The following OTC variants were observed in gnomAD, a reference collection of about 807,000 sequenced individuals.
OTC encodes the protein ornithine transcarbamylase, mitochondrial.
OTC carries 3 observed loss-of-function variants against 30.3 expected under a neutral mutation model. The observed-to-expected ratio is 0.10, with a 90% CI of 0.05 to 0.26. The LOEUF (loss-of-function observed/expected upper bound fraction) is 0.26, where lower values mean the gene tolerates loss of function less well. Among genes scored for constraint, OTC ranks in the 10% least tolerant of loss-of-function variants. The probability of loss-of-function intolerance (pLI) is 1.00; values close to 1 mark genes in which losing one functional copy is unlikely to be tolerated. For synonymous variants in OTC, 111 were observed against 99.7 expected, an observed-to-expected ratio of 1.11 and a Z score of -0.67; for missense variants, 194 against 260.3, an observed-to-expected ratio of 0.75 and a Z score of 1.75.
rs193177264 is a variant in OTC, at chrX:38,372,567, C to A, written c.298+2690C>A. On this transcript the variant is annotated intron_variant, in intron 3 of 9. Transcript: ENST00000039007. ...AAATCCTTAGAAACCTGCCCCAAAT[C>A]GTAAATAATAACAACAAATAAATGA... Among the ~76,000 whole-genome samples the A allele has an allele frequency of 4.9e-3, 548 of 112,154 alleles. 5 individuals carry two copies. Among genetic ancestry groups the A allele is most frequent in the African/African-American group, 0.017 (523 of 30,856 alleles).
Position 38,394,453 on chromosome X carries a change from A to T in OTC, c.387-6822A>T, listed in dbSNP as rs1343441861. Among the ~76,000 whole-genome samples, 4 of 112,174 alleles carry T rather than the reference A, an allele frequency of 3.6e-5. No homozygotes were observed. In the East Asian group the frequency reaches 1.1e-3, roughly 31 times the overall value. On this transcript the variant is annotated intron_variant, in intron 4 of 9. Coordinates refer to ENST00000039007, the MANE Select transcript of OTC (RefSeq NM_000531.6). The stretch of plus-strand genomic sequence containing the variant: ...GTCTGTCTTATATAACTTTCTATAG[A>T]TGATGGAAACTTGCCCTTCAATTTA...
chrX:38,391,695 C>T (rs2068429382), intron 4 of OTC, among the ~76,000 whole-genome samples: 1 of 111,013 alleles, frequency 9.0e-6, no homozygotes, highest in Non-Finnish European at 1.9e-5. Context: ...GTCATTTTGA[C>T]CTAACTCCAT....
At chrX:38,411,830 G>A (rs1219422156) in intron 8 of OTC, 32 bp from the exon 9 acceptor site, 2 of 1,201,268 alleles carry the variant, frequency 1.7e-6, no homozygotes, top group Non-Finnish European at 2.3e-6. Flanking sequence ...ACATATAATA[G>A]TCAAAAAGTG....
chrX:38,349,086 G>T (rs996362112), upstream of OTC, among the ~76,000 whole-genome samples: 2 of 111,734 alleles, frequency 1.8e-5, no homozygotes, highest in African/African-American at 3.3e-5. Flanking sequence ...TGAGAAGGTA[G>T]ATCTGGGCAA....
intron 4 of OTC, among the ~76,000 whole-genome samples, chrX:38,400,192 C>T (rs1329660657): frequency 9.0e-6 from 1 of 111,032 alleles, no homozygotes; most frequent in Non-Finnish European, 1.9e-5. Context: ...ATGTTGATCT[C>T]CACATATTTT....
At chrX:38,388,407 A>C (rs539732281) in intron 4 of OTC, among the ~76,000 whole-genome samples, 12 of 110,644 alleles carry the variant, frequency 1.1e-4, no homozygotes, top group African/African-American at 3.9e-4. Context: ...GTCATTTACC[A>C]GGTGCTCTAC....
At chrX:38,349,836 G>A (rs1362695755), upstream of OTC, among the ~76,000 whole-genome samples, 3 of 111,757 alleles carry the variant, frequency 2.7e-5, no homozygotes, top group Non-Finnish European at 3.8e-5. Flanking sequence ...ACAAGACACA[G>A]ATACTCGTAG....
rs181031252 is a variant in OTC at position 38,379,371 on chromosome X, T to C, written c.299-1971T>C. On this transcript the variant is annotated intron_variant, in intron 3 of 9. Coordinates refer to ENST00000039007, the MANE Select transcript of OTC (RefSeq NM_000531.6). ...GACTCTGACTCTCAGAACCCTTTTC[T>C]ATAAAATTCTTGTAATATCTACTGT... Among the ~76,000 whole-genome samples, 538 of 111,458 alleles carry C rather than the reference T, an allele frequency of 4.8e-3. 5 individuals are homozygous for C. The highest frequency in any genetic ancestry group is 0.017 in the African/African-American group (513 of 30,646).
intron 3 of OTC, among the ~76,000 whole-genome samples, chrX:38,377,370 A>C (rs1471691558): frequency 3.6e-5 from 4 of 111,565 alleles, no homozygotes; most frequent in Non-Finnish European, 7.5e-5. Context: ...AAATAGAAAA[A>C]CTTCAAATAA....
the OTC span, among the ~76,000 whole-genome samples, chrX:38,332,504 T>TTTTATATATATATATATA: frequency 1.3e-4 from 5 of 39,357 alleles, no homozygotes; most frequent in Non-Finnish European, 2.4e-4. Context: ...GCCCTAGATT[T>TTTTATATATATATATATA]TATATATATA....
Position 38,361,980 on chromosome X carries a change from T to TA in OTC, c.78-5301dup, listed in dbSNP as rs763166260. 1.4e-3 allele frequency among the ~76,000 whole-genome samples: 146 copies of TA among 106,408 alleles called. 1 individual carries two copies. In the East Asian group the frequency reaches 0.015, roughly 11 times the overall value. The allele number at this position is 106,408 out of a possible 115,157, so 92.4% of individuals were successfully genotyped here. A position where few individuals can be genotyped will look rare whatever the true frequency, so the allele number is the denominator to read the frequency against. ...ATGCAAATTAAAAACTGCCTGTGTTTAAAAAAAAAACAGTTTTGGAGGACA... is the reference window on the plus strand; with the variant it reads ...ATGCAAATTAAAAACTGCCTGTGTTTAAAAAAAAAAACAGTTTTGGAGGACA... On this transcript the variant is annotated intron_variant, in intron 1 of 9. Coordinates refer to ENST00000039007, the MANE Select transcript of OTC (RefSeq NM_000531.6).
chrX:38,359,609 C>T (rs1416098781), intron 1 of OTC, among the ~76,000 whole-genome samples: 2 of 109,869 alleles, frequency 1.8e-5, no homozygotes, highest in Non-Finnish European at 3.8e-5. Context: ...TTAGTAGAGA[C>T]GGGGTTTCAT....
At chrX:38,402,526 C>T (rs935379484) in intron 5 of OTC, among the ~76,000 whole-genome samples, 34 of 112,035 alleles carry the variant, frequency 3.0e-4, no homozygotes, top group Admixed American at 2.9e-3. Flanking sequence ...TAGCCTTTCT[C>T]TTTTTTAATC....
chrX:38,332,175 C>T, the OTC span, among the ~76,000 whole-genome samples: 3 of 109,198 alleles, frequency 2.7e-5, no homozygotes, highest in Admixed American at 2.0e-4. Context: ...TTCCCATCAC[C>T]CCCAGATGGG....
At position 38,358,135 on chromosome X, in the gene OTC, G is replaced by C. The variant is rs190821183; in HGVS notation, c.77+5362G>C. Among the ~76,000 whole-genome samples the C allele has an allele frequency of 2.5e-4, 28 of 111,362 alleles. No homozygotes were observed. In the Admixed American group the frequency reaches 2.7e-3, roughly 11 times the overall value. ...CCCTGGTTCTGGTGCTTGTGAACCAGAGCAGGCTGCCTCCTATTGAAGAAT... is the reference window on the plus strand; with the variant it reads ...CCCTGGTTCTGGTGCTTGTGAACCACAGCAGGCTGCCTCCTATTGAAGAAT... On this transcript the variant is annotated intron_variant, in intron 1 of 9. Transcript: ENST00000039007.
intron 9 of OTC, among the ~76,000 whole-genome samples, chrX:38,420,457 T>C (rs1444261113): frequency 1.8e-5 from 2 of 110,882 alleles, no homozygotes; most frequent in Non-Finnish European, 3.8e-5. Context: ...GTCATTCTTG[T>C]GGAGATTGAG....
chrX:38,375,806 A>G (rs1315324167), intron 3 of OTC, among the ~76,000 whole-genome samples: 1 of 111,625 alleles, frequency 9.0e-6, no homozygotes, highest in Non-Finnish European at 1.9e-5. Context: ...CATATAGATG[A>G]TATTTAAGGC....
chrX:38,372,917 C>G (rs747387572), intron 3 of OTC, among the ~76,000 whole-genome samples: 1 of 112,170 alleles, frequency 8.9e-6, no homozygotes, highest in African/African-American at 3.2e-5. Flanking sequence ...CCTCACAGGA[C>G]AGTCCTTGGC....
At position 38,381,606 on chromosome X, in the gene OTC, G is replaced by A. The variant is rs777738427; in HGVS notation, c.386+177G>A. On this transcript the variant is annotated intron_variant, in intron 4 of 9. Transcript: ENST00000039007. ...CCTCATCCTGTGGCCACTTTCCATC[G>A]GTTGAAATAATTTTTCTTGGCAATT... 8.1e-5 allele frequency among the ~76,000 whole-genome samples: 9 copies of A among 111,419 alleles called. No individual in the cohort carries two copies. In the East Asian group the frequency reaches 8.4e-4, roughly 10 times the overall value.
Sources: gnomAD v4.1 joint callset for allele counts (sites outside exome capture counted in the v4.1 genomes callset) on GRCh38, gnomAD v4.1.1 for gene constraint, MANE v1.5 for transcripts, NCBI Gene and HGNC (gene_info 2026-07-23, HGNC 2026-07-21) for gene names.